Variants in LPP observed in about 807,000 individuals in gnomAD.
The protein encoded by LPP is lipoma-preferred partner.
Under a neutral mutation model 60.4 loss-of-function variants are expected in LPP, and 38 were observed. That is an observed-to-expected ratio of 0.63 (90% CI 0.49 to 0.83). LPP has a LOEUF of 0.83. Ranked by LOEUF, LPP falls within the 40% of genes least tolerant of loss-of-function variation. The pLI is 0.00. For missense variants in LPP, 902 were observed against 783.6 expected (o/e 1.15, Z -1.80); for synonymous variants, 328 against 290.8 (o/e 1.13, Z -1.30).
At chr3:188,179,494 C>A (rs9879946) in intron 1 of LPP, 1 of 457,890 alleles carries the variant, frequency 2.2e-6, no homozygotes, top group South Asian at 1.5e-5. Flanking sequence ...ATCTGCGACA[C>A]GCTTGTTTGC....
At chr3:188,718,984 C>CT (rs1169038856) in intron 8 of LPP, among the ~76,000 whole-genome samples, 1 of 151,990 alleles carries the variant, frequency 6.6e-6, no homozygotes, top group Non-Finnish European at 1.5e-5. Context: ...TTTCTCATTC[C>CT]TTTTTTTAAT....
intron 6 of LPP, among the ~76,000 whole-genome samples, chr3:188,547,934 C>T (rs1380866489): frequency 6.6e-6 from 1 of 152,156 alleles, no homozygotes; most frequent in African/African-American, 2.4e-5. Flanking sequence ...TTCTTCATGT[C>T]TAGTGTTGTG....
intron 9 of LPP, among the ~76,000 whole-genome samples, chr3:188,850,403 G>A (rs1170613915): frequency 6.6e-6 from 1 of 152,228 alleles, no homozygotes; most frequent in East Asian, 1.9e-4. Flanking sequence ...TTGGTTCGGG[G>A]TAAAGGAGAG....
At chr3:188,738,829 A>G (rs1204903629) in intron 8 of LPP, among the ~76,000 whole-genome samples, 1 of 152,166 alleles carries the variant, frequency 6.6e-6, no homozygotes, top group Non-Finnish European at 1.5e-5. Flanking sequence ...TGCACCTTTC[A>G]ACTCTTACTA....
In LPP at chr3:188,601,239, C is replaced by T. The variant is rs182764013; in HGVS notation, c.430-7922C>T. Among the ~76,000 whole-genome samples, 86 of 152,182 alleles carry T rather than the reference C, an allele frequency of 5.7e-4. 1 individual carries two copies. Among genetic ancestry groups the T allele is most frequent in the Admixed American group, 3.3e-4 (5 of 15,258 alleles). On this transcript the variant is annotated intron_variant, in intron 6 of 11. Coordinates refer to ENST00000617246, the MANE Select transcript of LPP (RefSeq NM_001375462.1). ...TACTGTAATGTATATAAACAATCCT[C>T]ATGTATTGATTATTTAAATTTTCCA... is the stretch of plus-strand genomic sequence containing the variant.
In LPP at chr3:188,314,349, T is replaced by A. The variant is rs900489334; in HGVS notation, c.-66-27314T>A. 7.9e-5 allele frequency among the ~76,000 whole-genome samples: 12 copies of A among 152,042 alleles called. No individual in the cohort carries two copies. In the South Asian group the frequency reaches 1.0e-3, roughly 13 times the overall value. The stretch of plus-strand genomic sequence containing the variant: ...TAAAAGGTTATCTAGCTTTTTTTTT[T>A]AAAGAAACTTTGAAAGTAATCATAT... On this transcript the variant is annotated intron_variant, in intron 2 of 11. Coordinates refer to ENST00000617246, the MANE Select transcript of LPP (RefSeq NM_001375462.1).
At chr3:188,577,733 CTTCCTTCCTTTGTTCCTTCGTTCCTTCG>C (rs1834974625) in intron 6 of LPP, among the ~76,000 whole-genome samples, 1 of 133,634 alleles carries the variant, frequency 7.5e-6, no homozygotes, top group Admixed American at 8.1e-5. Flanking sequence ...CTTTGGTTTC[CTTCCTTCCTTTGTTCCTTCGTTCCTTCG>C]TTCCTTCCTT....
At chr3:188,858,559 G>A (rs1413525402) in intron 9 of LPP, among the ~76,000 whole-genome samples, 4 of 152,118 alleles carry the variant, frequency 2.6e-5, no homozygotes, top group African/African-American at 7.2e-5. Flanking sequence ...AAAACAGGGC[G>A]TAATTTACTT....
rs141405355 is a variant in LPP, at chr3:188,219,763, A to G, written c.-189-5642A>G. Among the ~76,000 whole-genome samples the G allele has an allele frequency of 8.0e-3, 1,218 of 152,256 alleles. 17 individuals carry two copies. Among genetic ancestry groups the G allele is most frequent in the African/African-American group, 0.027 (1,120 of 41,544 alleles). ...CTCCTGCTTACATATCTTTAAATCA[A>G]ACACATTTCCTACCAACCCCCAGAT... On this transcript the variant is annotated intron_variant, in intron 1 of 11. Coordinates refer to ENST00000617246, the MANE Select transcript of LPP (RefSeq NM_001375462.1).
At chr3:188,590,489 G>A (rs1001889511) in intron 6 of LPP, among the ~76,000 whole-genome samples, 1 of 152,086 alleles carries the variant, frequency 6.6e-6, no homozygotes, top group African/African-American at 2.4e-5. Context: ...CAGGAGAATC[G>A]CTTGAACCTG....
intron 9 of LPP, among the ~76,000 whole-genome samples, chr3:188,829,276 C>T (rs150848026): frequency 1.3e-5 from 2 of 152,270 alleles, no homozygotes; most frequent in African/African-American, 4.8e-5. Flanking sequence ...ACGGGAATAC[C>T]GAACTAATGG....
rs1426026620 is a variant in LPP, at chr3:188,372,693, TG to T, written c.-10+30975del. ...AGTAAATATTATGTTGGCTTCTTTT[TG>T]TTTTTTTTTTTTAAATTTTATTATT... is the stretch of plus-strand genomic sequence containing the variant. On this transcript the variant is annotated intron_variant, in intron 3 of 11. Coordinates refer to ENST00000617246, the MANE Select transcript of LPP (RefSeq NM_001375462.1). 1.5e-3 allele frequency among the ~76,000 whole-genome samples: 233 copies of T among 151,482 alleles called. 1 individual carries two copies. The highest frequency in any genetic ancestry group is 0.01 in the Middle Eastern group (3 of 294).
intron 9 of LPP, among the ~76,000 whole-genome samples, chr3:188,768,194 A>G (rs1181025561): frequency 1.3e-5 from 2 of 152,172 alleles, no homozygotes; most frequent in African/African-American, 2.4e-5. Context: ...GAGCCAGAAA[A>G]TTTCACTAAT....
intron 8 of LPP, among the ~76,000 whole-genome samples, chr3:188,719,134 T>A (rs1715291077): frequency 6.6e-6 from 1 of 152,170 alleles, no homozygotes; most frequent in African/African-American, 2.4e-5. Context: ...AAGGTTCAAC[T>A]GGTCAATGAA....
rs368339153 is a variant in LPP, at chr3:188,625,509, C to T, written c.1113+15665C>T. On this transcript the variant is annotated intron_variant, in intron 7 of 11. Transcript: ENST00000617246. Reference sequence around the variant, plus strand: ...AGATGATGAGATAATGCATATTCATCCTCTTTTACAGATGATGAAACATTT... The same window carrying T: ...AGATGATGAGATAATGCATATTCATTCTCTTTTACAGATGATGAAACATTT... Among the ~76,000 whole-genome samples the T allele has an allele frequency of 7.9e-5, 12 of 152,228 alleles. 1 individual carries two copies. The highest frequency in any genetic ancestry group is 3.3e-4 in the Admixed American group (5 of 15,288).
chr3:188,753,731 T>C (rs2150358160), intron 8 of LPP, among the ~76,000 whole-genome samples: 1 of 152,174 alleles, frequency 6.6e-6, no homozygotes, highest in Non-Finnish European at 1.5e-5. Flanking sequence ...CTCATCCTAG[T>C]GGCAGTCATT....
chr3:188,728,365 G>A (rs781021283), intron 8 of LPP, among the ~76,000 whole-genome samples: 11 of 152,188 alleles, frequency 7.2e-5, no homozygotes, highest in South Asian at 4.1e-4. Context: ...AAGAACCTGC[G>A]TCTTTTGACT....
chr3:188,211,994 G>A (rs568861163), intron 1 of LPP, among the ~76,000 whole-genome samples: 1 of 152,152 alleles, frequency 6.6e-6, no homozygotes, highest in East Asian at 1.9e-4. Context: ...AAGTAGCTGG[G>A]ATTACAGGCA....
chr3:188,556,931 C>T (rs1829620268), intron 6 of LPP, among the ~76,000 whole-genome samples: 1 of 151,994 alleles, frequency 6.6e-6, no homozygotes. Flanking sequence ...TAGTTAATGT[C>T]TTGTTAATCT....
Sources: allele counts gnomAD v4.1 joint callset (sites outside exome capture counted in the v4.1 genomes callset), GRCh38; gene constraint gnomAD v4.1.1; transcripts MANE v1.5; gene names NCBI Gene and HGNC (gene_info 2026-07-23, HGNC 2026-07-21).